Variants in FXYD6 observed in about 807,000 individuals in gnomAD.
The protein encoded by FXYD6 is FXYD domain-containing ion transport regulator 6.
In FXYD6, 7 loss-of-function variants were observed where a neutral mutation model predicts 16.7. The ratio of observed to expected loss-of-function variants is 0.42; its 90% CI spans 0.24 to 0.79. FXYD6 has a LOEUF of 0.79. Ranked by LOEUF, FXYD6 falls within the 30% of genes least tolerant of loss-of-function variation. FXYD6 has a pLI of 0.28. For synonymous variants in FXYD6, 49 were observed against 43.0 expected (o/e 1.14, Z -0.54); for missense variants, 111 against 116.2 (o/e 0.95, Z 0.21).
intron 1 of FXYD6, among the ~76,000 whole-genome samples, chr11:117,873,068 G>C (rs2057174870): frequency 6.6e-6 from 1 of 152,122 alleles, no homozygotes; most frequent in Non-Finnish European, 1.5e-5. Flanking sequence ...TGTGCAGCCT[G>C]GTAGAAAAGG....
At chr11:117,866,081 G>T (rs755991385) in intron 1 of FXYD6, among the ~76,000 whole-genome samples, 2 of 152,094 alleles carry the variant, frequency 1.3e-5, no homozygotes, top group Non-Finnish European at 2.9e-5. Flanking sequence ...TATGAGGCAC[G>T]TAGAGTAGTC....
At chr11:117,858,701 T>TTCTTTCTTTC (rs781138003) in intron 1 of FXYD6, among the ~76,000 whole-genome samples, 74 of 58,316 alleles carry the variant, frequency 1.3e-3, no homozygotes, top group East Asian at 5.9e-3. Context: ...CTTTCTTTCT[T>TTCTTTCTTTC]TCTCTCTCTC....
chr11:117,867,211 T>G (rs950549408), intron 1 of FXYD6, among the ~76,000 whole-genome samples: 4 of 152,222 alleles, frequency 2.6e-5, no homozygotes, highest in African/African-American at 9.6e-5. Flanking sequence ...AAATATTTAT[T>G]GATGGCCTAA....
chr11:117,874,796 T>C (rs2057219610), intron 1 of FXYD6, among the ~76,000 whole-genome samples: 1 of 152,254 alleles, frequency 6.6e-6, no homozygotes, highest in Non-Finnish European at 1.5e-5. Flanking sequence ...CACCTGGGAA[T>C]GGCTCTCGTT....
intron 1 of FXYD6, among the ~76,000 whole-genome samples, chr11:117,848,740 T>G (rs1168922530): frequency 6.6e-6 from 1 of 152,238 alleles, no homozygotes. Flanking sequence ...TATTTCTTCT[T>G]TAATAAATTT....
At chr11:117,839,545 T>A in intron 7 of FXYD6, 1 of 516,346 alleles carries the variant, frequency 1.9e-6, no homozygotes, top group East Asian at 2.8e-5. Flanking sequence ...GTGGGCTGTG[T>A]GGAAGCCCCA....
In FXYD6 at chr11:117,846,970, G is replaced by A. The variant is rs185546486; in HGVS notation, c.-5-4189C>T. Reference sequence around the variant, plus strand: ...TGGACCTATCTATAGAACAACCTGGGGAGAAATGACATATTTCTGATCTTG... The same window carrying A: ...TGGACCTATCTATAGAACAACCTGGAGAGAAATGACATATTTCTGATCTTG... On this transcript the variant is annotated intron_variant, in intron 1 of 7. Coordinates refer to ENST00000526014, the MANE Select transcript of FXYD6 (RefSeq NM_022003.4). Among the ~76,000 whole-genome samples the A allele has an allele frequency of 7.9e-5, 12 of 152,288 alleles. 1 individual carries two copies. Among genetic ancestry groups the A allele is most frequent in the African/African-American group, 2.9e-4 (12 of 41,560 alleles).
rs956449902 is a variant in FXYD6 at position 117,870,084 on chromosome 11, C to T, written c.-6+6508G>A. ...CAACCGTGACACTGTGGCATCCCAGCCATCACCCATGGACTTCTCACAACA... is the reference window on the plus strand; with the variant it reads ...CAACCGTGACACTGTGGCATCCCAGTCATCACCCATGGACTTCTCACAACA... On this transcript the variant is annotated intron_variant, in intron 1 of 7. Transcript: ENST00000526014. This position sits in a 1 kb window ranked among gnomAD's most constrained non-coding sequence, Gnocchi z 4.2. Among the ~76,000 whole-genome samples the T allele has an allele frequency of 6.6e-6, 1 of 152,270 alleles. No individual in the cohort carries two copies. The highest frequency in any genetic ancestry group is 1.5e-5 in the Non-Finnish European group (1 of 68,042).
chr11:117,839,777 T>A lies in FXYD6; in HGVS notation c.*21+4A>T. 6.2e-7 allele frequency: 1 copy of A among 1,614,170 alleles called. No homozygotes were observed. The highest frequency in any genetic ancestry group is 8.5e-7 in the Non-Finnish European group (1 of 1,180,026). ...GGGGCCAATCCAGGCACTGAGCATC[T>A]CACCTTCCACCTGATGGCTGCACTT... On this transcript the variant is annotated splice_donor_region_variant and intron_variant, in intron 7 of 7. Transcript: ENST00000526014.
chr11:117,858,715 CCTTCCTT>C (rs2056821052), intron 1 of FXYD6, among the ~76,000 whole-genome samples: 1 of 99,378 alleles, frequency 1.0e-5, no homozygotes, highest in Non-Finnish European at 2.0e-5. Flanking sequence ...CTCTCTCTCT[CCTTCCTT>C]CCCTTCCTTC....
intron 1 of FXYD6, among the ~76,000 whole-genome samples, chr11:117,865,038 C>T (rs1457138055): frequency 6.6e-6 from 1 of 152,090 alleles, no homozygotes; most frequent in Admixed American, 6.6e-5. Context: ...CAATTCAATT[C>T]AAAAATGAGC....
At chr11:117,848,529 G>A (rs1255754053) in intron 1 of FXYD6, among the ~76,000 whole-genome samples, 1 of 152,064 alleles carries the variant, frequency 6.6e-6, no homozygotes, top group East Asian at 1.9e-4. Context: ...CTGGTTTGGG[G>A]ATGGCAGTAC....
intron 7 of FXYD6, 162 bp downstream of exon 7, chr11:117,839,619 A>G (rs1020668508): frequency 5.4e-6 from 4 of 744,142 alleles, no homozygotes; most frequent in Non-Finnish European, 8.8e-6. Flanking sequence ...GGTCTCTCTC[A>G]CAGCCCCTTT....
intron 6 of FXYD6, 78 bp from the exon 7 acceptor site, chr11:117,839,908 C>T: frequency 6.3e-7 from 1 of 1,580,478 alleles, no homozygotes; most frequent in Non-Finnish European, 8.7e-7. Flanking sequence ...AGCCGTGTCT[C>T]TGCCTGACTC....
At chr11:117,862,649 A>G (rs11216592) in intron 1 of FXYD6, among the ~76,000 whole-genome samples, 2,420 of 152,264 alleles carry the variant, frequency 0.016, 40 homozygotes, top group South Asian at 0.027. Context: ...TCATTCAAGG[A>G]GAAGCCACTG....
chr11:117,871,954 G>T (rs1168380995), intron 1 of FXYD6, among the ~76,000 whole-genome samples: 1 of 152,210 alleles, frequency 6.6e-6, no homozygotes, highest in Non-Finnish European at 1.5e-5. Flanking sequence ...CCAGGCTTCG[G>T]ATGACCATCT....
Position 117,842,297 on chromosome 11 carries a change from C to T in FXYD6, c.59-269G>A, listed in dbSNP as rs892461813. 22 of 584,968 alleles carry T rather than the reference C, an allele frequency of 3.8e-5. No individual in the cohort carries two copies. In the Admixed American group the frequency reaches 6.7e-4, roughly 18 times the overall value. 36.2% of individuals were successfully genotyped at this position (584,968 alleles called of 1,614,324 possible). A position where few individuals can be genotyped will look rare whatever the true frequency, so the allele number is the denominator to read the frequency against. On this transcript the variant is annotated intron_variant, in intron 2 of 7. Transcript: ENST00000526014. ...CATTCATTGCCCCTTTGTATTCTTA[C>T]ATCATCCCCAGAAGGCAGGGTCAGT... is the stretch of plus-strand genomic sequence containing the variant.
Position 117,854,716 on chromosome 11 carries a change from G to A in FXYD6, c.-5-11935C>T, listed in dbSNP as rs78137810. Among the ~76,000 whole-genome samples, 1,443 of 152,330 alleles carry A rather than the reference G, an allele frequency of 9.5e-3. 26 individuals are homozygous for A. Among genetic ancestry groups the A allele is most frequent in the African/African-American group, 0.033 (1,372 of 41,570 alleles). ...TCAACAGGGAGCTAGGGAAGTTTCCGTGGAGGAGCTGACATTCCAGCGGAA... is the reference window on the plus strand; with the variant it reads ...TCAACAGGGAGCTAGGGAAGTTTCCATGGAGGAGCTGACATTCCAGCGGAA... On this transcript the variant is annotated intron_variant, in intron 1 of 7. Transcript: ENST00000526014.
At chr11:117,848,447 G>C (rs1387309757) in intron 1 of FXYD6, among the ~76,000 whole-genome samples, 1 of 147,680 alleles carries the variant, frequency 6.8e-6, no homozygotes, top group Admixed American at 6.7e-5. Flanking sequence ...CTGACATTTT[G>C]TTTAGGATTT....
Sources: gnomAD v4.1 joint callset for allele counts (sites outside exome capture counted in the v4.1 genomes callset) on GRCh38, gnomAD v4.1.1 for gene constraint, Gnocchi (gnomAD v3.1) non-coding constraint, MANE v1.5 for transcripts, NCBI Gene and HGNC (gene_info 2026-07-23, HGNC 2026-07-21) for gene names.